DOCK3: variants seen among roughly 807,000 people sequenced by gnomAD.
The protein encoded by DOCK3 is dedicator of cytokinesis protein 3.
A neutral mutation model predicts 265.6 loss-of-function variants in DOCK3; 60 were observed. That is an observed-to-expected ratio of 0.23 (90% CI 0.18 to 0.28). DOCK3 has a LOEUF of 0.28. Among genes scored for constraint, DOCK3 ranks in the 10% least tolerant of loss-of-function variants. The pLI is 1.00. For missense variants in DOCK3, 1,981 were observed against 2,594.3 expected (o/e 0.76, Z 5.14); for synonymous variants, 881 against 938.0 (o/e 0.94, Z 1.11).
intron 1 of DOCK3, among the ~76,000 whole-genome samples, chr3:50,724,346 A>G (rs1158336338): frequency 2.0e-5 from 3 of 152,224 alleles, no homozygotes; most frequent in Non-Finnish European, 4.4e-5. Context: ...ATTACTGGGT[A>G]TATACCCAAA....
chr3:51,310,381 G>T, intron 28 of DOCK3, 55 bp downstream of exon 28: 1 of 1,444,898 alleles, frequency 6.9e-7, no homozygotes. Context: ...AGACTAAGAA[G>T]AGTATGTGTA....
At chr3:50,841,076 G>C (rs537260130) in intron 2 of DOCK3, among the ~76,000 whole-genome samples, 1 of 152,272 alleles carries the variant, frequency 6.6e-6, no homozygotes, top group East Asian at 1.9e-4. Flanking sequence ...GCAAACCTCT[G>C]AAAATAATAT....
chr3:51,035,435 T>C (rs920733768), intron 5 of DOCK3, among the ~76,000 whole-genome samples: 1 of 152,192 alleles, frequency 6.6e-6, no homozygotes, highest in African/African-American at 2.4e-5. Flanking sequence ...TTCTTTTTTA[T>C]AATTTCTTTT....
intron 3 of DOCK3, among the ~76,000 whole-genome samples, chr3:50,873,278 C>G (rs2047522666): frequency 6.6e-6 from 1 of 152,154 alleles, no homozygotes; most frequent in Non-Finnish European, 1.5e-5. Flanking sequence ...TTTTGCCCTT[C>G]CCTTCAAGGC....
intron 5 of DOCK3, among the ~76,000 whole-genome samples, chr3:50,980,307 C>T (rs1212206476): frequency 6.6e-6 from 1 of 152,134 alleles, no homozygotes; most frequent in Non-Finnish European, 1.5e-5. Flanking sequence ...GGGATAAATT[C>T]TATTTGACTA....
At chr3:50,857,306 CT>C (rs1230229569) in intron 3 of DOCK3, among the ~76,000 whole-genome samples, 1 of 152,056 alleles carries the variant, frequency 6.6e-6, no homozygotes, top group Admixed American at 6.6e-5. Flanking sequence ...TGGTCCAGGG[CT>C]TTTTTTGCTT....
At chr3:51,180,503 A>G (rs1474132223) in intron 12 of DOCK3, among the ~76,000 whole-genome samples, 2 of 152,184 alleles carry the variant, frequency 1.3e-5, no homozygotes, top group Non-Finnish European at 1.5e-5. Flanking sequence ...ACATGCCTGG[A>G]TGGGACCACA....
At chr3:50,947,110 G>GT (rs564590149) in intron 5 of DOCK3, among the ~76,000 whole-genome samples, 68 of 151,176 alleles carry the variant, frequency 4.5e-4, no homozygotes, top group South Asian at 1.0e-3. Flanking sequence ...TAATTTACTA[G>GT]TTTTTTTTTA....
At chr3:51,248,625 C>A in intron 22 of DOCK3, among the ~76,000 whole-genome samples, 1 of 150,776 alleles carries the variant, frequency 6.6e-6, no homozygotes, top group East Asian at 2.0e-4. Context: ...CCCGTCTGGG[C>A]AGTGAGGAGC....
At chr3:51,267,091 A>G (rs1235872894) in intron 23 of DOCK3, among the ~76,000 whole-genome samples, 1 of 152,228 alleles carries the variant, frequency 6.6e-6, no homozygotes, top group East Asian at 1.9e-4. Context: ...TGGTCATTAG[A>G]GAAATGCAAA....
chr3:51,326,088 A>T (rs1054509684), intron 32 of DOCK3, among the ~76,000 whole-genome samples: 1 of 150,834 alleles, frequency 6.6e-6, no homozygotes, highest in Non-Finnish European at 1.5e-5. Context: ...AAAAAATGAA[A>T]TTGTTGTGTA....
intron 32 of DOCK3, among the ~76,000 whole-genome samples, chr3:51,319,440 T>G (rs1560427291): frequency 1.3e-5 from 2 of 150,740 alleles, no homozygotes; most frequent in South Asian, 4.2e-4. Context: ...TGGATGACAT[T>G]GCAGAGCTAT....
intron 9 of DOCK3, among the ~76,000 whole-genome samples, chr3:51,139,564 A>G (rs2084956487): frequency 6.6e-6 from 1 of 152,130 alleles, no homozygotes; most frequent in Admixed American, 6.5e-5. Flanking sequence ...TTGAGCACCT[A>G]TTATAGGGTT....
At chr3:50,952,122 A>T (rs2076606666) in intron 5 of DOCK3, among the ~76,000 whole-genome samples, 1 of 152,172 alleles carries the variant, frequency 6.6e-6, no homozygotes, top group African/African-American at 2.4e-5. Flanking sequence ...GGAAGAGCAA[A>T]TTATACCCAA....
rs371436859 is a variant in DOCK3, at chr3:51,161,633, A to T, written c.1037+931A>T. ...ACATTTTCTTTTTTCTCCAGAATTA[A>T]CCAATCTTATATATTTGCAGAAAAG... On this transcript the variant is annotated intron_variant, in intron 12 of 52. Coordinates refer to ENST00000266037, the MANE Select transcript of DOCK3 (RefSeq NM_004947.5). Among the ~76,000 whole-genome samples, 79 of 152,160 alleles carry T rather than the reference A, an allele frequency of 5.2e-4. 1 individual carries two copies. The South Asian group carries it at 0.016, about 32-fold the overall frequency.
chr3:51,189,849 A>G (rs1215673844), intron 12 of DOCK3, among the ~76,000 whole-genome samples: 1 of 152,190 alleles, frequency 6.6e-6, no homozygotes, highest in Non-Finnish European at 1.5e-5. Flanking sequence ...TGTTTTCCAT[A>G]GAAGTTGTAC....
intron 23 of DOCK3, among the ~76,000 whole-genome samples, chr3:51,270,404 T>G (rs2108870890): frequency 6.6e-6 from 1 of 152,248 alleles, no homozygotes; most frequent in East Asian, 1.9e-4. Flanking sequence ...GGAACTCAGC[T>G]CTCTCTGCCA....
intron 4 of DOCK3, among the ~76,000 whole-genome samples, chr3:50,914,290 G>A (rs2050008708): frequency 6.6e-6 from 1 of 151,828 alleles, no homozygotes; most frequent in Non-Finnish European, 1.5e-5. Flanking sequence ...TTCATTTGAG[G>A]TTGTTCATTT....
intron 21 of DOCK3, among the ~76,000 whole-genome samples, chr3:51,241,879 C>T (rs1423733700): frequency 6.6e-6 from 1 of 152,168 alleles, no homozygotes; most frequent in Non-Finnish European, 1.5e-5. Context: ...ACTCCTGTAG[C>T]TCAATGATCA....
Sources: gnomAD v4.1 joint callset for allele counts (sites outside exome capture counted in the v4.1 genomes callset) on GRCh38, gnomAD v4.1.1 for gene constraint, MANE v1.5 for transcripts, NCBI Gene and HGNC (gene_info 2026-07-23, HGNC 2026-07-21) for gene names.